LMBR1: variants seen among roughly 807,000 people sequenced by gnomAD.
LMBR1 encodes limb development membrane protein 1, also known as limb region 1 protein homolog.
In LMBR1, 52 loss-of-function variants were observed where a neutral mutation model predicts 73.9. That is an observed-to-expected ratio of 0.70 (90% confidence interval 0.56 to 0.89). LMBR1 has a LOEUF of 0.89. LMBR1 is among the 40% of genes least tolerant of loss of function. The pLI is 0.00. For missense variants in LMBR1, 539 were observed against 579.8 expected (o/e 0.93, Z 0.72); for synonymous variants, 215 against 209.4 (o/e 1.03, Z -0.23).
At chr7:156,713,101 G>A (rs1358705196) in intron 15 of LMBR1, among the ~76,000 whole-genome samples, 1 of 152,088 alleles carries the variant, frequency 6.6e-6, no homozygotes, top group Non-Finnish European at 1.5e-5. Context: ...AAGATATGGA[G>A]GAACCCTAAA....
intron 1 of LMBR1, among the ~76,000 whole-genome samples, chr7:156,869,517 G>A (rs892375009): frequency 7.3e-5 from 11 of 151,610 alleles, no homozygotes; most frequent in East Asian, 1.9e-4. Context: ...GTTACCCAAA[G>A]GAAAAAACAG....
intron 4 of LMBR1, among the ~76,000 whole-genome samples, chr7:156,814,541 A>C (rs1833606166): frequency 2.6e-5 from 4 of 152,260 alleles, no homozygotes; most frequent in Admixed American, 2.0e-4. Context: ...TTTCAGTAAA[A>C]TATTGAATAT....
At chr7:156,866,554 T>C (rs923499129) in intron 1 of LMBR1, among the ~76,000 whole-genome samples, 2 of 151,318 alleles carry the variant, frequency 1.3e-5, no homozygotes, top group African/African-American at 4.9e-5. Context: ...ATATGCAGGA[T>C]GACTAAGACA....
rs1801837258 is a variant in LMBR1 at position 156,886,039 on chromosome 7, CAAAAAAAGAAAAA to C, written c.66+6876_66+6888del. Among the ~76,000 whole-genome samples the C allele has an allele frequency of 3.1e-5, 3 of 95,450 alleles. No homozygotes were observed. The South Asian group carries it at 1.1e-3, about 35-fold the overall frequency. The allele number at this position is 95,450 out of a possible 152,430, so 62.6% of individuals were successfully genotyped here. A position where few individuals can be genotyped will look rare whatever the true frequency, so the allele number is the denominator to read the frequency against. On this transcript the variant is annotated intron_variant, in intron 1 of 16. Transcript: ENST00000353442. ...TGGGTGACAGAGTGAGACTCTGCCTCAAAAAAAGAAAAAAAAAAAAAAAAAGACTTCCTTCAAG... is the reference window on the plus strand; with the variant it reads ...TGGGTGACAGAGTGAGACTCTGCCTCAAAAAAAAAAAAGACTTCCTTCAAG...
At position 156,669,373 on chromosome 7, in the gene LMBR1, A is replaced by G. The variant is rs1362211195; in HGVS notation, n.867-86T>C. The G allele has an allele frequency of 6.6e-6, 1 of 152,198 alleles. No individual in the cohort carries two copies. The highest frequency in any genetic ancestry group is 6.5e-5 in the Admixed American group (1 of 15,272). 9.4% of individuals were successfully genotyped at this position (152,198 alleles called of 1,614,324 possible). On this transcript the variant is annotated intron_variant and non_coding_transcript_variant, in intron 4 of 4. Coordinates refer to the LMBR1 transcript ENST00000430825. The surrounding 1 kb of genome is among the most constrained non-coding windows in gnomAD (Gnocchi z 4.2). ...AAAAATGCAAAGAGAGGAAGGGGAG[A>G]GAGAGTGAAGTGAGGGGTGAGATGT...
At chr7:156,851,058 T>A (rs767841819) in intron 1 of LMBR1, among the ~76,000 whole-genome samples, 1 of 152,350 alleles carries the variant, frequency 6.6e-6, no homozygotes, top group South Asian at 2.1e-4. Flanking sequence ...CCTTCTGTCA[T>A]GATTGGAAGC....
chr7:156,763,943 GT>G, intron 5 of LMBR1, 148 bp from the exon 6 acceptor site: 1 of 519,086 alleles, frequency 1.9e-6, no homozygotes. Context: ...GGTACTTATG[GT>G]TTACAATGTT....
chr7:156,715,647 T>C (rs1176546658), intron 15 of LMBR1, among the ~76,000 whole-genome samples: 1 of 152,198 alleles, frequency 6.6e-6, no homozygotes, highest in Non-Finnish European at 1.5e-5. Context: ...CCATTCCTCC[T>C]CACCCTAGTT....
intron 1 of LMBR1, among the ~76,000 whole-genome samples, chr7:156,891,920 T>G (rs1803069845): frequency 6.6e-6 from 1 of 152,234 alleles, no homozygotes; most frequent in Non-Finnish European, 1.5e-5. Context: ...ACAAATTAGA[T>G]AATTCTAAAG....
At chr7:156,772,561 T>G (rs1172223726) in intron 5 of LMBR1, among the ~76,000 whole-genome samples, 1 of 151,932 alleles carries the variant, frequency 6.6e-6, no homozygotes. Context: ...GAGAAAGAAA[T>G]AAAAGGCTGG....
intron 9 of LMBR1, among the ~76,000 whole-genome samples, chr7:156,739,901 A>T (rs1818584508): frequency 6.6e-6 from 1 of 152,146 alleles, no homozygotes; most frequent in African/African-American, 2.4e-5. Context: ...AAACAAACTA[A>T]ATGAGGCACC....
At chr7:156,848,079 CAAAAGATGG>C (rs1264260547) in intron 1 of LMBR1, among the ~76,000 whole-genome samples, 2 of 148,750 alleles carry the variant, frequency 1.3e-5, no homozygotes, top group African/African-American at 4.9e-5. Context: ...AAAAAAAATG[CAAAAGATGG>C]AGTAAAGACT....
chr7:156,854,255 G>C (rs1012227072), intron 1 of LMBR1, among the ~76,000 whole-genome samples: 3 of 152,188 alleles, frequency 2.0e-5, no homozygotes, highest in Admixed American at 2.0e-4. Flanking sequence ...CCTGCTGCTA[G>C]AGCCAGCACT....
At chr7:156,816,745 T>C (rs1484703492) in intron 4 of LMBR1, among the ~76,000 whole-genome samples, 1 of 152,214 alleles carries the variant, frequency 6.6e-6, no homozygotes, top group African/African-American at 2.4e-5. Context: ...TATTGCTAAG[T>C]AGTAATTACA....
chr7:156,804,010 G>A (rs1268783121), intron 4 of LMBR1, among the ~76,000 whole-genome samples: 1 of 122,738 alleles, frequency 8.1e-6, no homozygotes, highest in Admixed American at 8.7e-5. Flanking sequence ...GGGGGAGGGG[G>A]GAGGGATAGC....
intron 1 of LMBR1, among the ~76,000 whole-genome samples, chr7:156,889,669 C>G (rs1802554186): frequency 6.6e-6 from 1 of 152,174 alleles, no homozygotes; most frequent in South Asian, 2.1e-4. Flanking sequence ...AAACCGTTTT[C>G]AGGGGAGTAG....
chr7:156,865,867 A>G (rs919619715), intron 1 of LMBR1, among the ~76,000 whole-genome samples: 3 of 152,204 alleles, frequency 2.0e-5, no homozygotes, highest in Non-Finnish European at 2.9e-5. Flanking sequence ...TGGTACTGGA[A>G]CAACTGGATA....
At chr7:156,861,918 G>C (rs1797776372) in intron 1 of LMBR1, among the ~76,000 whole-genome samples, 1 of 152,130 alleles carries the variant, frequency 6.6e-6, no homozygotes, top group Admixed American at 6.5e-5. Flanking sequence ...CACTCAACAA[G>C]TCTCTAGGGA....
intron 15 of LMBR1, among the ~76,000 whole-genome samples, chr7:156,698,366 G>A (rs529675011): frequency 6.6e-6 from 1 of 152,220 alleles, no homozygotes; most frequent in Non-Finnish European, 1.5e-5. Flanking sequence ...ACTAGGCAGT[G>A]CCCCAGTAGG....
Sources: gnomAD v4.1 joint callset for allele counts (sites outside exome capture counted in the v4.1 genomes callset) on GRCh38, gnomAD v4.1.1 for gene constraint, Gnocchi (gnomAD v3.1) non-coding constraint, MANE v1.5 for transcripts, NCBI Gene and HGNC (gene_info 2026-07-23, HGNC 2026-07-21) for gene names.